Variants in TACR1 observed in about 807,000 individuals in gnomAD.
TACR1 encodes the protein substance-P receptor.
TACR1 carries 25 observed loss-of-function variants against 35.8 expected under a neutral mutation model. That is an observed-to-expected ratio of 0.70 (90% CI 0.51 to 0.98). The LOEUF is 0.98. Ranked by LOEUF, TACR1 falls within the 50% of genes least tolerant of loss-of-function variation. TACR1 has a pLI of 0.00. For missense variants in TACR1, 478 were observed against 522.9 expected (o/e 0.91, Z 0.84); for synonymous variants, 195 against 206.7 (o/e 0.94, Z 0.48).
chr2:75,191,234 G>A (rs527300451), intron 1 of TACR1, among the ~76,000 whole-genome samples: 1 of 152,268 alleles, frequency 6.6e-6, no homozygotes, highest in South Asian at 2.1e-4. Flanking sequence ...GAATTTTCCT[G>A]TGTCTATCGT....
intron 1 of TACR1, among the ~76,000 whole-genome samples, chr2:75,152,896 TTTTG>T (rs772520919): frequency 1.3e-5 from 2 of 152,188 alleles, no homozygotes; most frequent in Non-Finnish European, 1.5e-5. Context: ...AAGACTTCTT[TTTTG>T]TTTGTTTGTT....
intron 1 of TACR1, among the ~76,000 whole-genome samples, chr2:75,121,004 A>G (rs925057334): frequency 6.6e-6 from 1 of 152,252 alleles, no homozygotes; most frequent in African/African-American, 2.4e-5. Flanking sequence ...GAACCTATCT[A>G]GCAGCATTCA....
At chr2:75,148,194 C>T (rs928952889) in intron 1 of TACR1, among the ~76,000 whole-genome samples, 1 of 152,138 alleles carries the variant, frequency 6.6e-6, no homozygotes, top group Non-Finnish European at 1.5e-5. Flanking sequence ...ATGCATGTAT[C>T]TTTATAGTAG....
At chr2:75,109,881 A>G (rs758443045) in intron 2 of TACR1, among the ~76,000 whole-genome samples, 4 of 152,166 alleles carry the variant, frequency 2.6e-5, no homozygotes, top group Non-Finnish European at 4.4e-5. Context: ...CGGAAAGTAC[A>G]CAATTTATGT....
intron 1 of TACR1, among the ~76,000 whole-genome samples, chr2:75,132,397 G>A (rs896439976): frequency 1.3e-5 from 2 of 151,968 alleles, no homozygotes; most frequent in African/African-American, 4.8e-5. Context: ...TATTAGATTC[G>A]TCCACTGAGT....
intron 1 of TACR1, among the ~76,000 whole-genome samples, chr2:75,162,462 A>C (rs1257340975): frequency 3.3e-5 from 5 of 152,228 alleles, no homozygotes; most frequent in Non-Finnish European, 5.9e-5. Context: ...TTCATATGAA[A>C]GTTTACAATA....
intron 1 of TACR1, among the ~76,000 whole-genome samples, chr2:75,127,653 A>G (rs1674098946): frequency 6.6e-6 from 1 of 152,206 alleles, no homozygotes; most frequent in Admixed American, 6.5e-5. Flanking sequence ...GTTCTGTCTC[A>G]TGTGTGATCA....
intron 1 of TACR1, among the ~76,000 whole-genome samples, chr2:75,196,640 G>A (rs749775004): frequency 4.6e-5 from 7 of 152,084 alleles, no homozygotes; most frequent in Admixed American, 6.5e-5. Context: ...TCCACTGTGC[G>A]GACTCTGACT....
chr2:75,093,545 C>G (rs1384990117), intron 2 of TACR1, among the ~76,000 whole-genome samples: 1 of 152,138 alleles, frequency 6.6e-6, no homozygotes, highest in African/African-American at 2.4e-5. Context: ...GCTTTAACAT[C>G]TGTGAAGTAG....
At chr2:75,133,529 C>CT (rs1674218868) in intron 1 of TACR1, among the ~76,000 whole-genome samples, 1 of 152,136 alleles carries the variant, frequency 6.6e-6, no homozygotes, top group African/African-American at 2.4e-5. Context: ...GTTATGACCT[C>CT]CAGTTTCCAG....
At chr2:75,087,563 A>G (rs1221787103) in intron 2 of TACR1, among the ~76,000 whole-genome samples, 1 of 152,216 alleles carries the variant, frequency 6.6e-6, no homozygotes, top group Non-Finnish European at 1.5e-5. Flanking sequence ...TGCCTAAGGA[A>G]GCCCCACCAA....
chr2:75,154,925 G>A (rs1674808176), intron 1 of TACR1, among the ~76,000 whole-genome samples: 1 of 152,130 alleles, frequency 6.6e-6, no homozygotes, highest in Admixed American at 6.5e-5. Context: ...TGGGCAGTGA[G>A]GCAGGAAGCT....
At chr2:75,089,168 T>A (rs972779313) in intron 2 of TACR1, among the ~76,000 whole-genome samples, 1 of 152,212 alleles carries the variant, frequency 6.6e-6, no homozygotes, top group African/African-American at 2.4e-5. Flanking sequence ...GAATTCTTCA[T>A]CTCCTGGAGA....
chr2:75,136,050 T>G (rs1208397510), intron 1 of TACR1, among the ~76,000 whole-genome samples: 1 of 152,156 alleles, frequency 6.6e-6, no homozygotes, highest in Non-Finnish European at 1.5e-5. Flanking sequence ...AATGTCAGGA[T>G]TGCACAGGCG....
At chr2:75,057,795 A>C (rs1672597203) in intron 2 of TACR1, among the ~76,000 whole-genome samples, 1 of 152,198 alleles carries the variant, frequency 6.6e-6, no homozygotes, top group South Asian at 2.1e-4. Flanking sequence ...GTCGAAATGA[A>C]GTATCTCTGG....
chr2:75,184,457 A>G (rs1675638400), intron 1 of TACR1, among the ~76,000 whole-genome samples: 1 of 152,024 alleles, frequency 6.6e-6, no homozygotes, highest in African/African-American at 2.4e-5. Flanking sequence ...AGTAAAGGAC[A>G]CAGACACTAG....
At chr2:75,111,829 A>G (rs990157123) in intron 2 of TACR1, among the ~76,000 whole-genome samples, 1 of 152,038 alleles carries the variant, frequency 6.6e-6, no homozygotes, top group African/African-American at 2.4e-5. Context: ...GTGGTTGTCC[A>G]TAAAGTGGTA....
chr2:75,163,904 A>G (rs1245357066), intron 1 of TACR1, among the ~76,000 whole-genome samples: 3 of 152,196 alleles, frequency 2.0e-5, no homozygotes, highest in Non-Finnish European at 4.4e-5. Context: ...TTTGCACAAA[A>G]TGATTCTTCT....
At chr2:75,143,020 G>C (rs1030274229) in intron 1 of TACR1, among the ~76,000 whole-genome samples, 2 of 152,068 alleles carry the variant, frequency 1.3e-5, no homozygotes, top group Non-Finnish European at 1.5e-5. Flanking sequence ...TTTGTAGAGG[G>C]GGTAATATCT....
Sources: allele counts gnomAD v4.1 joint callset (sites outside exome capture counted in the v4.1 genomes callset), GRCh38; gene constraint gnomAD v4.1.1; transcripts MANE v1.5; gene names NCBI Gene and HGNC (gene_info 2026-07-23, HGNC 2026-07-21).